The following HSPA12A variants were observed in gnomAD, a reference collection of about 807,000 sequenced individuals.
HSPA12A encodes the protein heat shock 70 kDa protein 12A.
HSPA12A carries 28 observed loss-of-function variants against 69.2 expected under a neutral mutation model. The ratio of observed to expected loss-of-function variants is 0.40; its 90% CI spans 0.30 to 0.55. The LOEUF is 0.55. HSPA12A is among the 20% of genes least tolerant of loss of function. The pLI is 0.38. For missense variants in HSPA12A, 686 were observed against 900.7 expected (o/e 0.76, Z 3.05); for synonymous variants, 345 against 370.5 (o/e 0.93, Z 0.79).
In HSPA12A at chr10:116,803,857, C is replaced by T. The variant is rs140566472; in HGVS notation, c.91+31078G>A. On this transcript the variant is annotated intron_variant, in intron 2 of 12. Coordinates refer to the HSPA12A transcript ENST00000635765. Reference sequence around the variant, plus strand: ...TGTTTCATACAAATAGGCCACTTGTCACTTTCTCCTCTAAATCTGGACATT... The same window carrying T: ...TGTTTCATACAAATAGGCCACTTGTTACTTTCTCCTCTAAATCTGGACATT... 4.4e-3 allele frequency among the ~76,000 whole-genome samples: 668 copies of T among 152,334 alleles called. 9 individuals carry two copies. The highest frequency in any genetic ancestry group is 0.015 in the African/African-American group (623 of 41,572).
intron 2 of HSPA12A, among the ~76,000 whole-genome samples, chr10:116,781,337 T>C (rs1589702296): frequency 1.3e-5 from 2 of 152,050 alleles, no homozygotes; most frequent in Non-Finnish European, 2.9e-5. Flanking sequence ...ATTCACTCTC[T>C]CTACTCCCCA....
At chr10:116,742,826 G>A (rs1033837692), upstream of HSPA12A, among the ~76,000 whole-genome samples, 8 of 152,066 alleles carry the variant, frequency 5.3e-5, no homozygotes, top group African/African-American at 1.4e-4. Context: ...CCGCGGCGGG[G>A]GTAGTGGCGC....
intron 2 of HSPA12A, among the ~76,000 whole-genome samples, chr10:116,790,074 T>A (rs573955873): frequency 6.7e-6 from 1 of 149,500 alleles, no homozygotes; most frequent in East Asian, 2.0e-4. Context: ...CTGCATGGTA[T>A]GGACCCTGAT....
intron 2 of HSPA12A, among the ~76,000 whole-genome samples, chr10:116,770,709 C>A (rs951814977): frequency 3.3e-5 from 5 of 152,184 alleles, no homozygotes; most frequent in African/African-American, 1.2e-4. Context: ...TCTCCTCCAA[C>A]CTCCTGTGCA....
intron 1 of HSPA12A, among the ~76,000 whole-genome samples, chr10:116,722,900 T>C (rs1241562544): frequency 1.3e-5 from 2 of 151,964 alleles, no homozygotes; most frequent in Non-Finnish European, 2.9e-5. Context: ...TGGGGGAAGG[T>C]AGCTCCAGGA....
chr10:116,690,103 A>C (rs1849693867), intron 6 of HSPA12A, among the ~76,000 whole-genome samples: 2 of 152,238 alleles, frequency 1.3e-5, no homozygotes, highest in African/African-American at 4.8e-5. Context: ...TGGGGGATGG[A>C]GAGAGAGTAG....
intron 1 of HSPA12A, among the ~76,000 whole-genome samples, chr10:116,739,483 C>T (rs1230932099): frequency 6.6e-6 from 1 of 152,156 alleles, no homozygotes; most frequent in Non-Finnish European, 1.5e-5. Context: ...GCAAAACTGC[C>T]TGCCCACCAT....
intron 2 of HSPA12A, among the ~76,000 whole-genome samples, chr10:116,824,628 TTTTG>T (rs953551271): frequency 1.4e-4 from 21 of 151,988 alleles, no homozygotes; most frequent in African/African-American, 2.9e-4. Flanking sequence ...CCACTTAGTG[TTTTG>T]TTTGTTTGTT....
At chr10:116,699,346 T>A (rs1179762353) in intron 4 of HSPA12A, among the ~76,000 whole-genome samples, 4 of 152,192 alleles carry the variant, frequency 2.6e-5, no homozygotes, top group Admixed American at 1.3e-4. Flanking sequence ...AGAGAGAGGA[T>A]GCTCTGCAGA....
At chr10:116,750,779 AG>A (rs1337334959) in intron 2 of HSPA12A, 2 of 170,912 alleles carry the variant, frequency 1.2e-5, no homozygotes, top group African/African-American at 4.8e-5. Flanking sequence ...GTTTGAGACC[AG>A]GCTGGGCAAC....
At chr10:116,780,571 G>A (rs1554891710) in intron 2 of HSPA12A, among the ~76,000 whole-genome samples, 1 of 151,266 alleles carries the variant, frequency 6.6e-6, no homozygotes, top group Non-Finnish European at 1.5e-5. Context: ...CGTAGATATG[G>A]TGTCTACCTA....
intron 2 of HSPA12A, among the ~76,000 whole-genome samples, chr10:116,807,010 G>C (rs1264084932): frequency 6.6e-6 from 1 of 152,222 alleles, no homozygotes; most frequent in East Asian, 1.9e-4. Context: ...GTGATGTGAA[G>C]ACAGAGGTGG....
chr10:116,795,012 T>C (rs773247862), intron 2 of HSPA12A, among the ~76,000 whole-genome samples: 5 of 152,146 alleles, frequency 3.3e-5, no homozygotes, highest in Non-Finnish European at 5.9e-5. Flanking sequence ...ATAGCCTTAA[T>C]TGTGAATATA....
intron 7 of HSPA12A, among the ~76,000 whole-genome samples, chr10:116,682,455 TGG>T (rs782049148): frequency 6.1e-4 from 78 of 127,660 alleles, no homozygotes; most frequent in Admixed American, 3.2e-3. Flanking sequence ...GTAAATAGAC[TGG>T]GGGGGGGGGC....
intron 3 of HSPA12A, among the ~76,000 whole-genome samples, chr10:116,701,789 G>C (rs1423550800): frequency 1.3e-5 from 2 of 152,186 alleles, no homozygotes; most frequent in Non-Finnish European, 2.9e-5. Context: ...AATGGGAAGG[G>C]TGAGAAACAC....
At chr10:116,778,235 T>C (rs912045431) in intron 2 of HSPA12A, among the ~76,000 whole-genome samples, 3 of 152,352 alleles carry the variant, frequency 2.0e-5, no homozygotes, top group Admixed American at 1.3e-4. Context: ...AATATGCATA[T>C]GTTTTTGCTG....
intron 6 of HSPA12A, among the ~76,000 whole-genome samples, chr10:116,689,141 G>C (rs1011874530): frequency 1.3e-5 from 2 of 152,104 alleles, no homozygotes; most frequent in African/African-American, 4.8e-5. Context: ...AGAGGCTCCA[G>C]AACTCCAGAC....
intron 2 of HSPA12A, among the ~76,000 whole-genome samples, chr10:116,779,734 C>T (rs1176611668): frequency 5.9e-5 from 9 of 152,036 alleles, no homozygotes; most frequent in African/African-American, 1.2e-4. Context: ...TTCCAGAAAC[C>T]GAATAACGCT....
chr10:116,790,558 C>T (rs953584957), intron 2 of HSPA12A, among the ~76,000 whole-genome samples: 1 of 152,150 alleles, frequency 6.6e-6, no homozygotes, highest in Non-Finnish European at 1.5e-5. Context: ...TACTGATCCT[C>T]TACTCACAAG....
Sources: allele counts gnomAD v4.1 joint callset (sites outside exome capture counted in the v4.1 genomes callset), GRCh38; gene constraint gnomAD v4.1.1; transcripts MANE v1.5; gene names NCBI Gene and HGNC (gene_info 2026-07-23, HGNC 2026-07-21).